Variants in TTBK2 observed in about 807,000 individuals in gnomAD.
The protein encoded by TTBK2 is tau-tubulin kinase 2.
A neutral mutation model predicts 110.8 loss-of-function variants in TTBK2; 28 were observed. The observed-to-expected ratio is 0.25, with a 90% CI of 0.19 to 0.35. The LOEUF (loss-of-function observed/expected upper bound fraction) is 0.35, where lower values mean the gene tolerates loss of function less well. TTBK2 is among the 10% of genes least tolerant of loss of function. The pLI is 1.00. For missense variants in TTBK2, 1,369 were observed against 1,500.3 expected, an observed-to-expected ratio of 0.91 and a Z score of 1.45; for synonymous variants, 532 against 527.3, an observed-to-expected ratio of 1.01 and a Z score of -0.12.
At chr15:42,799,423 G>A (rs1304093763) in intron 9 of TTBK2, among the ~76,000 whole-genome samples, 1 of 151,560 alleles carries the variant, frequency 6.6e-6, no homozygotes, top group African/African-American at 2.4e-5. Context: ...TATTCAACCT[G>A]TATTACTTTT....
At chr15:42,892,914 GC>G (rs2141169074) in intron 1 of TTBK2, among the ~76,000 whole-genome samples, 1 of 151,064 alleles carries the variant, frequency 6.6e-6, no homozygotes, top group South Asian at 2.1e-4. Context: ...GGAGGCTGAG[GC>G]AGGAGAAATC....
intron 8 of TTBK2, among the ~76,000 whole-genome samples, chr15:42,811,090 A>C (rs1891700689): frequency 6.6e-6 from 1 of 152,154 alleles, no homozygotes; most frequent in Non-Finnish European, 1.5e-5. Flanking sequence ...TTTGAGACTC[A>C]AGTGATCCTC....
Position 42,878,668 on chromosome 15 carries a change from G to T in TTBK2, c.-51C>A. The T allele has an allele frequency of 6.2e-7, 1 of 1,613,092 alleles. No homozygotes were observed. Among genetic ancestry groups the T allele is most frequent in the South Asian group, 1.1e-5 (1 of 91,056 alleles). ...GCTACACAGGCATCCAGTTCCCAAGGGTGGTTTCCATTTAACCTAAAACAA... is the reference window on the plus strand; with the variant it reads ...GCTACACAGGCATCCAGTTCCCAAGTGTGGTTTCCATTTAACCTAAAACAA... On this transcript the variant is annotated 5_prime_UTR_variant, in exon 2 of 15. Coordinates refer to ENST00000267890, the MANE Select transcript of TTBK2 (RefSeq NM_173500.4).
intron 11 of TTBK2, 51 bp from the exon 12 acceptor site, chr15:42,777,293 T>A: frequency 6.4e-7 from 1 of 1,553,532 alleles, no homozygotes; most frequent in Non-Finnish European, 8.8e-7. Flanking sequence ...GCAACACACA[T>A]GAGAGGAATC....
At chr15:42,809,272 T>C (rs1891603555) in intron 9 of TTBK2, among the ~76,000 whole-genome samples, 1 of 152,212 alleles carries the variant, frequency 6.6e-6, no homozygotes, top group African/African-American at 2.4e-5. Flanking sequence ...TACCAAACTT[T>C]GTTTTGTTAT....
chr15:42,814,338 G>T (rs938693477), intron 7 of TTBK2, among the ~76,000 whole-genome samples: 1 of 152,132 alleles, frequency 6.6e-6, no homozygotes, highest in Non-Finnish European at 1.5e-5. Context: ...CAGCACTTTC[G>T]GGGGCCAAGG....
intron 10 of TTBK2, among the ~76,000 whole-genome samples, chr15:42,784,800 T>C (rs900605909): frequency 6.6e-6 from 1 of 152,102 alleles, no homozygotes. Flanking sequence ...GAAAGAAAGT[T>C]CATTGGCATC....
At chr15:42,747,282 A>T (rs1448122022) in intron 14 of TTBK2, among the ~76,000 whole-genome samples, 6 of 152,248 alleles carry the variant, frequency 3.9e-5, no homozygotes, top group African/African-American at 1.4e-4. Context: ...GGGCCTCAGA[A>T]TTCTTAGAGT....
intron 13 of TTBK2, among the ~76,000 whole-genome samples, chr15:42,762,989 G>A (rs1000401053): frequency 4.1e-5 from 6 of 148,110 alleles, no homozygotes; most frequent in Non-Finnish European, 7.4e-5. Flanking sequence ...CGGGGAGATA[G>A]GGAAAGATTT....
At position 42,745,557 on chromosome 15, in the gene TTBK2, CT is replaced by C. The variant is rs2061780069; in HGVS notation, c.*237del. On this transcript the variant is annotated 3_prime_UTR_variant, in exon 15 of 15. Coordinates refer to ENST00000267890, the MANE Select transcript of TTBK2 (RefSeq NM_173500.4). ...AGCTCATTTTAATGAGTTTCTCCCC[CT>C]TGGATTTTTGCTCTATTTTTCCTTC... 5.4e-6 allele frequency: 3 copies of C among 559,476 alleles called. No individual in the cohort carries two copies. The highest frequency in any genetic ancestry group is 9.5e-6 in the Non-Finnish European group (3 of 315,408). 34.7% of individuals were successfully genotyped at this position (559,476 alleles called of 1,614,324 possible). A position where few individuals can be genotyped will look rare whatever the true frequency, so the allele number is the denominator to read the frequency against.
At chr15:42,761,242 T>C (rs1336347696) in intron 13 of TTBK2, among the ~76,000 whole-genome samples, 1 of 152,048 alleles carries the variant, frequency 6.6e-6, no homozygotes, top group East Asian at 1.9e-4. Context: ...GAAGAAAACA[T>C]AGGGTAAATG....
chr15:42,807,591 T>G (rs113441390), intron 9 of TTBK2, among the ~76,000 whole-genome samples: 7 of 150,746 alleles, frequency 4.6e-5, no homozygotes, highest in African/African-American at 1.7e-4. Context: ...TTTGTTGTTT[T>G]TTGTTGTTGT....
At chr15:42,801,380 G>GGCT (rs1891193979) in intron 9 of TTBK2, 1 of 1,375,270 alleles carries the variant, frequency 7.3e-7, no homozygotes, top group African/African-American at 1.4e-5. Flanking sequence ...CATCCTTAAT[G>GGCT]GCTAGCTCCC....
chr15:42,765,502 G>T (rs148996492), intron 13 of TTBK2, among the ~76,000 whole-genome samples: 2 of 152,306 alleles, frequency 1.3e-5, no homozygotes, highest in African/African-American at 4.8e-5. Context: ...TCTATCATGT[G>T]GAAGAAAGGG....
At chr15:42,911,712 CT>C (rs1839976953) in intron 1 of TTBK2, among the ~76,000 whole-genome samples, 1 of 152,164 alleles carries the variant, frequency 6.6e-6, no homozygotes, top group Non-Finnish European at 1.5e-5. Context: ...GAACAGTTAA[CT>C]AATAAATAAT....
intron 4 of TTBK2, among the ~76,000 whole-genome samples, chr15:42,836,302 A>G (rs1892983809): frequency 6.6e-6 from 1 of 152,236 alleles, no homozygotes; most frequent in Non-Finnish European, 1.5e-5. Flanking sequence ...GGAGGAAAAG[A>G]ACAAGTTTAT....
intron 11 of TTBK2, among the ~76,000 whole-genome samples, chr15:42,777,835 G>A (rs1214851045): frequency 6.6e-6 from 1 of 152,140 alleles, no homozygotes; most frequent in East Asian, 1.9e-4. Flanking sequence ...TAAGGAGTGT[G>A]GTGACAGAGG....
intron 10 of TTBK2, among the ~76,000 whole-genome samples, chr15:42,790,824 G>A (rs569106489): frequency 4.0e-5 from 6 of 151,194 alleles, no homozygotes; most frequent in South Asian, 2.1e-4. Context: ...CTCAGCCTCC[G>A]GAGTAGCTGG....
At chr15:42,836,704 T>A (rs1351057204) in intron 4 of TTBK2, among the ~76,000 whole-genome samples, 2 of 152,128 alleles carry the variant, frequency 1.3e-5, no homozygotes, top group Non-Finnish European at 2.9e-5. Flanking sequence ...AATGAATATA[T>A]GCTAAGACTC....
Sources: allele counts gnomAD v4.1 joint callset (sites outside exome capture counted in the v4.1 genomes callset), GRCh38; gene constraint gnomAD v4.1.1; transcripts MANE v1.5; gene names NCBI Gene and HGNC (gene_info 2026-07-23, HGNC 2026-07-21).